MNAT1: variants seen among roughly 807,000 people sequenced by gnomAD.
MNAT1 encodes MNAT1 component of CDK activating kinase.
Under a neutral mutation model 42.0 loss-of-function variants are expected in MNAT1, and 43 were observed. The ratio of observed to expected loss-of-function variants is 1.02; its 90% CI spans 0.80 to 1.32. The LOEUF is 1.32. Ranked by LOEUF, MNAT1 falls within the 40% of genes most tolerant of loss-of-function variation. MNAT1 has a pLI of 0.00. For synonymous variants in MNAT1, 118 were observed against 120.0 expected (o/e 0.98, Z 0.11); for missense variants, 306 against 350.4 (o/e 0.87, Z 1.01).
chr14:60,869,541 G>A (rs1566803439), intron 6 of MNAT1, among the ~76,000 whole-genome samples: 1 of 152,006 alleles, frequency 6.6e-6, no homozygotes, highest in Non-Finnish European at 1.5e-5. Context: ...TTGAAGATGA[G>A]GGTAGTTTGA....
At chr14:60,822,690 C>G (rs527920072) in intron 6 of MNAT1, among the ~76,000 whole-genome samples, 5 of 150,788 alleles carry the variant, frequency 3.3e-5, no homozygotes, top group African/African-American at 1.2e-4. Context: ...AATCTTGGAA[C>G]GCCTCAGCCT....
chr14:60,890,290 C>A (rs2034805041), intron 7 of MNAT1, among the ~76,000 whole-genome samples: 1 of 152,154 alleles, frequency 6.6e-6, no homozygotes, highest in African/African-American at 2.4e-5. Context: ...GCATCCCAGG[C>A]ATAAATTTAC....
chr14:60,885,596 G>T (rs2034648151), intron 7 of MNAT1, among the ~76,000 whole-genome samples: 1 of 151,900 alleles, frequency 6.6e-6, no homozygotes, highest in Admixed American at 6.6e-5. Flanking sequence ...CCATTTTTAA[G>T]TTGAGTTATT....
intron 1 of MNAT1, among the ~76,000 whole-genome samples, chr14:60,795,842 C>A (rs181417953): frequency 6.6e-6 from 1 of 152,254 alleles, no homozygotes; most frequent in African/African-American, 2.4e-5. Context: ...AGAGCAGGCC[C>A]CTGGCAGAGG....
chr14:60,754,035 G>T (rs987826867), intron 1 of MNAT1: 10 of 152,174 alleles, frequency 6.6e-5, no homozygotes, highest in Non-Finnish European at 1.5e-4. Flanking sequence ...TAAGAACTGA[G>T]ACCTTCTACT....
rs2035742362 is a variant in MNAT1, at chr14:60,925,202, G to A, written c.810-43027G>A. On this transcript the variant is annotated intron_variant, in intron 7 of 7. Coordinates refer to ENST00000261245, the MANE Select transcript of MNAT1 (RefSeq NM_002431.4). ...TAGCATTTATAATACGTTGTATTAG[G>A]TATTATAACTAACCAAGTATATGCT... Among the ~76,000 whole-genome samples, 3 of 152,266 alleles carry A rather than the reference G, an allele frequency of 2.0e-5. No homozygotes were observed. In the South Asian group the frequency reaches 6.2e-4, roughly 32 times the overall value.
intron 1 of MNAT1, among the ~76,000 whole-genome samples, chr14:60,782,865 T>A (rs560835209): frequency 1.3e-5 from 2 of 152,216 alleles, no homozygotes; most frequent in African/African-American, 4.8e-5. Context: ...TGCTCAGGAA[T>A]GAATTTACCA....
chr14:60,929,163 A>AC (rs2035829365), intron 7 of MNAT1, among the ~76,000 whole-genome samples: 1 of 124,042 alleles, frequency 8.1e-6, no homozygotes, highest in Admixed American at 8.1e-5. Context: ...AAAAAAAAAA[A>AC]AAAAAAAATA....
intron 6 of MNAT1, among the ~76,000 whole-genome samples, chr14:60,877,343 C>G (rs2034455861): frequency 6.6e-6 from 1 of 152,004 alleles, no homozygotes; most frequent in Non-Finnish European, 1.5e-5. Flanking sequence ...TGTAAACTAG[C>G]TAGGATGATG....
intron 7 of MNAT1, among the ~76,000 whole-genome samples, chr14:60,951,501 C>T (rs1222846700): frequency 1.3e-5 from 2 of 151,684 alleles, no homozygotes; most frequent in Non-Finnish European, 1.5e-5. Flanking sequence ...ATTTTCTGTC[C>T]TTCTGTGGAT....
intron 6 of MNAT1, among the ~76,000 whole-genome samples, chr14:60,878,905 T>C (rs1187023665): frequency 6.6e-6 from 1 of 152,162 alleles, no homozygotes; most frequent in Non-Finnish European, 1.5e-5. Flanking sequence ...TTGGCACCCA[T>C]TGAGTGGAAA....
At chr14:60,874,422 T>C (rs1385933959) in intron 6 of MNAT1, among the ~76,000 whole-genome samples, 1 of 152,206 alleles carries the variant, frequency 6.6e-6, no homozygotes, top group African/African-American at 2.4e-5. Context: ...GTAGACTTTG[T>C]CCTCTGAGGT....
At chr14:60,748,658 G>GT (rs1439484575) in intron 1 of MNAT1, among the ~76,000 whole-genome samples, 56 of 152,274 alleles carry the variant, frequency 3.7e-4, no homozygotes, top group Non-Finnish European at 1.6e-4. Flanking sequence ...CCCTCTCCAC[G>GT]TTTTTTCTCA....
chr14:60,930,087 A>G (rs1408568036), intron 7 of MNAT1, among the ~76,000 whole-genome samples: 2 of 151,956 alleles, frequency 1.3e-5, no homozygotes, highest in Admixed American at 1.3e-4. Context: ...AGTAGAGGTC[A>G]TTGAGGCAGT....
chr14:60,920,662 C>T (rs941475460), intron 7 of MNAT1, among the ~76,000 whole-genome samples: 3 of 152,002 alleles, frequency 2.0e-5, no homozygotes, highest in Non-Finnish European at 2.9e-5. Flanking sequence ...AGGTTGGTCT[C>T]GAACTCCTGA....
intron 5 of MNAT1, 110 bp from the exon 6 acceptor site, chr14:60,818,612 T>C (rs866125533): frequency 1.1e-6 from 1 of 918,420 alleles, no homozygotes; most frequent in Middle Eastern, 2.7e-4. Context: ...AATGTGAATA[T>C]TTAGTTTGAC....
rs561268543 is a variant in MNAT1 at position 60,930,608 on chromosome 14, C to T, written c.810-37621C>T. On this transcript the variant is annotated intron_variant, in intron 7 of 7. Transcript: ENST00000261245. Reference sequence around the variant, plus strand: ...GACATAAGAAGAGAGGGTCAAGGAACATTTCATAGAGATATGGACATTCAA... The same window carrying T: ...GACATAAGAAGAGAGGGTCAAGGAATATTTCATAGAGATATGGACATTCAA... Among the ~76,000 whole-genome samples the T allele has an allele frequency of 3.3e-5, 5 of 152,222 alleles. No individual in the cohort carries two copies. The South Asian group carries it at 8.3e-4, about 25-fold the overall frequency.
rs184003227 is a variant in MNAT1, at chr14:60,819,946, A to T, written c.687+1099A>T. ...CAATAATTGAGGTTAGTTTTTATTG[A>T]TAATAACGAGTTGATAACACAAATG... On this transcript the variant is annotated intron_variant, in intron 6 of 7. Transcript: ENST00000261245. 9.2e-5 allele frequency among the ~76,000 whole-genome samples: 14 copies of T among 152,288 alleles called. No homozygotes were observed. In the East Asian group the frequency reaches 2.7e-3, roughly 29 times the overall value.
intron 7 of MNAT1, among the ~76,000 whole-genome samples, chr14:60,941,275 G>T (rs747369401): frequency 1.3e-5 from 2 of 152,158 alleles, no homozygotes; most frequent in Non-Finnish European, 2.9e-5. Flanking sequence ...TCAGGAAATT[G>T]TATTAATGAA....
Sources: gnomAD v4.1 joint callset for allele counts (sites outside exome capture counted in the v4.1 genomes callset) on GRCh38, gnomAD v4.1.1 for gene constraint, MANE v1.5 for transcripts, NCBI Gene and HGNC (gene_info 2026-07-23, HGNC 2026-07-21) for gene names.